The following LIG1 variants were observed in gnomAD, a reference collection of about 807,000 sequenced individuals.
The protein encoded by LIG1 is DNA ligase 1.
A neutral mutation model predicts 115.7 loss-of-function variants in LIG1; 70 were observed. The ratio of observed to expected loss-of-function variants is 0.60; its 90% CI spans 0.50 to 0.74. The LOEUF (loss-of-function observed/expected upper bound fraction) is 0.74. Ranked by LOEUF, LIG1 falls within the 30% of genes least tolerant of loss-of-function variation. The probability of loss-of-function intolerance (pLI) is 0.00; values close to 1 mark genes in which losing one functional copy is unlikely to be tolerated. For missense variants in LIG1, 1,115 were observed against 1,225.6 expected, an observed-to-expected ratio of 0.91 and a Z score of 1.35; for synonymous variants, 487 against 495.3, an observed-to-expected ratio of 0.98 and a Z score of 0.22.
In LIG1 at chr19:48,122,212, C is replaced by G. The variant is rs1460855934; in HGVS notation, c.2232+722G>C. ...CATCAACTCTTACTGATGACAGGCT[C>G]CTGCTCGCTGGCCCTCAACACACCC... On this transcript the variant is annotated intron_variant, in intron 23 of 27. Transcript: ENST00000263274. The surrounding 1 kb of genome is among the most constrained non-coding windows in gnomAD (Gnocchi z 4.3). The G allele has an allele frequency of 1.3e-5, 2 of 154,850 alleles. No individual in the cohort carries two copies. Among genetic ancestry groups the G allele is most frequent in the African/African-American group, 2.4e-5 (1 of 41,482 alleles). 9.6% of individuals were successfully genotyped at this position (154,850 alleles called of 1,614,324 possible). A position where few individuals can be genotyped will look rare whatever the true frequency, so the allele number is the denominator to read the frequency against.
intron 12 of LIG1, among the ~76,000 whole-genome samples, chr19:48,139,590 CCA>C (rs1185658388): frequency 6.6e-6 from 1 of 152,162 alleles, no homozygotes; most frequent in African/African-American, 2.4e-5. Context: ...TGCTGGCCCC[CCA>C]CACACCATGT....
chr19:48,143,015 G>A (rs2034874038), intron 11 of LIG1, among the ~76,000 whole-genome samples: 1 of 152,148 alleles, frequency 6.6e-6, no homozygotes, highest in Non-Finnish European at 1.5e-5. Context: ...GAGAGAAGAG[G>A]AAATGGGGAC....
chr19:48,122,811 G>T lies in LIG1; in HGVS notation c.2232+123C>A. 1 of 893,100 alleles carries T rather than the reference G, an allele frequency of 1.1e-6. No homozygotes were observed. Among genetic ancestry groups the T allele is most frequent in the Non-Finnish European group, 1.9e-6 (1 of 524,182 alleles). The allele number at this position is 893,100 out of a possible 1,614,324, so 55.3% of individuals were successfully genotyped here. A position where few individuals can be genotyped will look rare whatever the true frequency, so the allele number is the denominator to read the frequency against. On this transcript the variant is annotated intron_variant, in intron 23 of 27. Transcript: ENST00000263274. This position sits in a 1 kb window ranked among gnomAD's most constrained non-coding sequence, Gnocchi z 4.3. ...TCAGTTGCAGCAGGGGGCTGGGGTG[G>T]GATTGTGAAAAGGGGCCCTGAGCTC... is the stretch of plus-strand genomic sequence containing the variant.
At position 48,138,642 on chromosome 19, in the gene LIG1, A is replaced by C. The variant is rs577330819; in HGVS notation, c.1088-954T>G. On this transcript the variant is annotated intron_variant, in intron 12 of 27. Coordinates refer to ENST00000263274, the MANE Select transcript of LIG1 (RefSeq NM_000234.3). The stretch of plus-strand genomic sequence containing the variant: ...CCACGGGGGCCACAAGGCGGCACGG[A>C]GAGCAGTGTGAGTGTGAACACGACC... Among the ~76,000 whole-genome samples, 14 of 152,324 alleles carry C rather than the reference A, an allele frequency of 9.2e-5. No individual in the cohort carries two copies. In the East Asian group the frequency reaches 2.7e-3, roughly 29 times the overall value.
chr19:48,161,505 G>A lies in LIG1; in HGVS notation c.110C>T (p.Ala37Val). 3.1e-6 allele frequency: 5 copies of A among 1,614,040 alleles called. No homozygotes were observed. Among genetic ancestry groups the A allele is most frequent in the East Asian group, 2.2e-5 (1 of 44,868 alleles). The part of the protein sequence containing the change: ...SSRETEPPPK[A>V]ALKEWNGVVS... ...CACTCCATTCCACTCCTTCAGTGCC[G>A]CCCTGGAAGGTGGGGAAATGGGGGT... Residue 37 changes from alanine (A) to valine (V), a missense_variant and splice_region_variant, in exon 4 of 28, where the codon GCG becomes GTG. Ala to Val is a moderately conservative substitution (Grantham distance 64). Coordinates refer to ENST00000263274, the MANE Select transcript of LIG1 (RefSeq NM_000234.3).
Position 48,137,641 on chromosome 19 carries a change from C to T in LIG1, c.1135G>A (p.Val379Met), listed in dbSNP as rs769691846. 10 of 1,609,776 alleles carry T rather than the reference C, an allele frequency of 6.2e-6. No homozygotes were observed. The highest frequency in any genetic ancestry group is 2.2e-5 in the East Asian group (1 of 44,878). ...VRAEAAEKGD[V>M]GLVAENSRST... ...CGGCTGTTCTCGGCCACCAGCCCCA[C>T]GTCGCCTTTCTCGGCTGCCTCAGCC... Residue 379 changes from valine to methionine, a missense_variant, in exon 13 of 28, where the codon GTG (valine) becomes ATG (methionine). Physicochemically the swap from Val to Met is conservative, Grantham distance 21. Coordinates refer to ENST00000263274, the MANE Select transcript of LIG1 (RefSeq NM_000234.3). This position sits in a 1 kb window ranked among gnomAD's most constrained non-coding sequence, Gnocchi z 4.3.
chr19:48,118,180 G>C (rs569019475), intron 25 of LIG1, among the ~76,000 whole-genome samples: 3 of 152,272 alleles, frequency 2.0e-5, no homozygotes, highest in Non-Finnish European at 4.4e-5. Context: ...TGTAGAGAGA[G>C]AGGGCAATGG....
intron 17 of LIG1, 88 bp from the exon 18 acceptor site, chr19:48,133,185 G>T: frequency 1.1e-6 from 1 of 875,642 alleles, no homozygotes; most frequent in Non-Finnish European, 2.0e-6. Context: ...ATGGGCCCCA[G>T]GACCATTCTG....
intron 18 of LIG1, among the ~76,000 whole-genome samples, chr19:48,132,098 T>C (rs1034626497): frequency 4.6e-5 from 7 of 151,950 alleles, no homozygotes; most frequent in Non-Finnish European, 1.0e-4. Context: ...GCCACCACAC[T>C]GGCTCATTTT....
intron 12 of LIG1, among the ~76,000 whole-genome samples, chr19:48,139,112 T>A (rs1265498361): frequency 2.0e-5 from 3 of 152,182 alleles, no homozygotes; most frequent in Non-Finnish European, 4.4e-5. Flanking sequence ...TGGTCATCCC[T>A]CCTACACTGA....
chr19:48,145,666 G>C (rs1404751273), intron 9 of LIG1, among the ~76,000 whole-genome samples: 1 of 152,176 alleles, frequency 6.6e-6, no homozygotes, highest in Non-Finnish European at 1.5e-5. Context: ...AGGCAGCAGA[G>C]TGTGGTGGGC....
rs2035381292 is a variant in LIG1 at position 48,150,217 on chromosome 19, TGA to T, written c.575-9_575-8del. On this transcript the variant is annotated splice_region_variant and splice_polypyrimidine_tract_variant and intron_variant, in intron 7 of 27. Coordinates refer to ENST00000263274, the MANE Select transcript of LIG1 (RefSeq NM_000234.3). ...TCCGTCGGGGTCTCTGCTTCTGCGG[TGA>T]GAGAGCTCAGACGGTGATGCAAACT... 2 of 1,614,128 alleles carry T rather than the reference TGA, an allele frequency of 1.2e-6. No homozygotes were observed. The highest frequency in any genetic ancestry group is 1.7e-6 in the Non-Finnish European group (2 of 1,180,042).
At chr19:48,151,691 A>G (rs968146059) in intron 6 of LIG1, among the ~76,000 whole-genome samples, 1 of 152,132 alleles carries the variant, frequency 6.6e-6, no homozygotes, top group Non-Finnish European at 1.5e-5. Flanking sequence ...TTGGCCTCCC[A>G]AAGTGCAGGT....
Position 48,133,063 on chromosome 19 carries a change from G to A in LIG1, c.1644C>T (p.Thr548=), listed in dbSNP as rs775533150. The change falls in exon 18 of 28, where the codon ACC becomes ACT. Residue 548 remains threonine, a synonymous_variant. Transcript: ENST00000263274. ...GTTTCAGGACCTCGCTGATGCCCCG[G>A]GTGGGATGGGCCAACATTGGTTTCA... The part of the protein sequence containing the change: ...IPLKPMLAHP[T]RGISEVLKRF... The A allele has an allele frequency of 6.2e-7, 1 of 1,614,116 alleles. No homozygotes were observed. The highest frequency in any genetic ancestry group is 1.1e-5 in the South Asian group (1 of 91,086).
chr19:48,115,582 A>G lies in LIG1; in HGVS notation c.*67T>C. ...GCCACAGCAGATTTGCTAAAAAGCA[A>G]AGGCAATAATAACCCTGGGGTCCGT... On this transcript the variant is annotated 3_prime_UTR_variant, in exon 28 of 28. Transcript: ENST00000263274. 1.6e-6 allele frequency: 2 copies of G among 1,212,944 alleles called. No homozygotes were observed. The allele number at this position is 1,212,944 out of a possible 1,614,324, so 75.1% of individuals were successfully genotyped here.
chr19:48,150,325 C>T, intron 7 of LIG1, 115 bp from the exon 8 acceptor site: 1 of 1,464,756 alleles, frequency 6.8e-7, no homozygotes, highest in Non-Finnish European at 9.4e-7. Flanking sequence ...ATAACTACAC[C>T]TACCCTTTTC....
In LIG1 at chr19:48,115,734, TGC is replaced by T. The variant is rs1333073523; in HGVS notation, c.2677-4_2677-3del. On this transcript the variant is annotated splice_polypyrimidine_tract_variant and splice_region_variant and intron_variant, in intron 27 of 27. Coordinates refer to ENST00000263274, the MANE Select transcript of LIG1 (RefSeq NM_000234.3). ...TTGCTTCCGGTACAAACAGGCCACCTGCGGAGAGAGGGTGGGACGGGGTGGTC... is the reference window on the plus strand; with the variant it reads ...TTGCTTCCGGTACAAACAGGCCACCTGGAGAGAGGGTGGGACGGGGTGGTC... The T allele has an allele frequency of 3.7e-6, 6 of 1,612,536 alleles. No homozygotes were observed. Among genetic ancestry groups the T allele is most frequent in the African/African-American group, 1.3e-5 (1 of 74,890 alleles).
intron 11 of LIG1, among the ~76,000 whole-genome samples, chr19:48,142,480 A>G (rs927679309): frequency 2.7e-5 from 4 of 148,532 alleles, no homozygotes; most frequent in African/African-American, 9.9e-5. Context: ...AACAGCCTGA[A>G]ATGCTCCACT....
chr19:48,115,901 T>C lies in LIG1; in HGVS notation c.2648A>G (p.Gln883Arg), dbSNP rs1440552959. Reference sequence around the variant, plus strand: ...AGCACTGGTGGTGGCCTGCTCCGGCTGCTTGTCTTCACGGACTCGAATAAA... The same window carrying C: ...AGCACTGGTGGTGGCCTGCTCCGGCCGCTTGTCTTCACGGACTCGAATAAA... ...PRFIRVREDK[Q>R]PEQATTSAQV... The change falls in exon 27 of 28, where the codon CAG (glutamine) becomes CGG (arginine). Residue 883 changes from glutamine (Q) to arginine (R), a missense_variant. Physicochemically the swap from Gln to Arg is conservative, Grantham distance 43. Transcript: ENST00000263274. 5.6e-6 allele frequency: 9 copies of C among 1,614,066 alleles called. No individual in the cohort carries two copies. The highest frequency in any genetic ancestry group is 7.6e-6 in the Non-Finnish European group (9 of 1,180,014).
Sources: gnomAD v4.1 joint callset for allele counts (sites outside exome capture counted in the v4.1 genomes callset) on GRCh38, gnomAD v4.1.1 for gene constraint, Gnocchi (gnomAD v3.1) non-coding constraint, MANE v1.5 for transcripts, NCBI Gene and HGNC (gene_info 2026-07-23, HGNC 2026-07-21) for gene names.